TSPEAR: variants seen among roughly 807,000 people sequenced by gnomAD.
The protein encoded by TSPEAR is thrombospondin-type laminin G domain and EAR repeat-containing protein.
In TSPEAR, 69 loss-of-function variants were observed where a neutral mutation model predicts 71.6. The observed-to-expected ratio is 0.96, with a 90% confidence interval of 0.79 to 1.18. TSPEAR has a LOEUF of 1.18. Among genes scored for constraint, TSPEAR ranks in the 50% most tolerant of loss-of-function variants. The pLI, the probability that TSPEAR is intolerant of heterozygous loss-of-function variation, is 0.00. For missense variants in TSPEAR, 971 were observed against 894.9 expected, an observed-to-expected ratio of 1.09 and a Z score of -1.09; for synonymous variants, 402 against 387.2, an observed-to-expected ratio of 1.04 and a Z score of -0.45.
At chr21:44,539,822 C>A (rs2053179495) in intron 2 of TSPEAR, 2 of 1,576,040 alleles carry the variant, frequency 1.3e-6, no homozygotes, top group East Asian at 4.6e-5. Context: ...GGTGGGCAGG[C>A]AGCACACAGG....
chr21:44,610,961 GC>G (rs1206581368), intron 1 of TSPEAR, among the ~76,000 whole-genome samples: 1 of 152,126 alleles, frequency 6.6e-6, no homozygotes, highest in Non-Finnish European at 1.5e-5. Flanking sequence ...GCCAATTTCT[GC>G]CATTTGGAAT....
Position 44,577,747 on chromosome 21 carries a change from C to T in TSPEAR, c.83-9742G>A, listed in dbSNP as rs142634561. On this transcript the variant is annotated intron_variant, in intron 1 of 11. Coordinates refer to ENST00000323084, the MANE Select transcript of TSPEAR (RefSeq NM_144991.3). ...TGGACAAACAGGGAAATAAATAAAA[C>T]CAAACCTAGTTTTTTTAAAGACAAA... Among the ~76,000 whole-genome samples, 7 of 152,320 alleles carry T rather than the reference C, an allele frequency of 4.6e-5. No homozygotes were observed. In the East Asian group the frequency reaches 9.6e-4, roughly 21 times the overall value.
intron 1 of TSPEAR, among the ~76,000 whole-genome samples, chr21:44,603,259 C>T (rs1000843540): frequency 6.6e-6 from 1 of 152,162 alleles, no homozygotes; most frequent in Non-Finnish European, 1.5e-5. Context: ...CTGCCCCTAC[C>T]CCGGCCCCTG....
At chr21:44,635,746 T>A (rs73907087) in intron 1 of TSPEAR, among the ~76,000 whole-genome samples, 5,121 of 152,296 alleles carry the variant, frequency 0.034, 308 homozygotes, top group African/African-American at 0.12. Flanking sequence ...CACAACATTA[T>A]GACTGTACTG....
intron 1 of TSPEAR, chr21:44,702,345 G>A (rs1405260461): frequency 2.0e-6 from 3 of 1,497,980 alleles, no homozygotes; most frequent in Non-Finnish European, 2.7e-6. Context: ...GCACCCCAGT[G>A]AGCTGTGTGT....
At chr21:44,517,848 T>G in intron 9 of TSPEAR, 1 of 471,174 alleles carries the variant, frequency 2.1e-6, no homozygotes, top group Non-Finnish European at 4.4e-6. Flanking sequence ...AACTTTCCTT[T>G]GCTCTCGCGC....
chr21:44,558,077 G>T (rs1555920131), intron 2 of TSPEAR: 3 of 1,610,998 alleles, frequency 1.9e-6, no homozygotes, highest in African/African-American at 2.7e-5. Context: ...GGCCTGAGGA[G>T]AGGCCGCAGC....
At chr21:44,658,034 C>G in intron 1 of TSPEAR, 3 of 1,614,052 alleles carry the variant, frequency 1.9e-6, no homozygotes, top group Non-Finnish European at 2.5e-6. Context: ...CATACACAGC[C>G]CCTGCCAGGC....
At chr21:44,547,130 C>T (rs2053314773) in intron 2 of TSPEAR, among the ~76,000 whole-genome samples, 1 of 152,188 alleles carries the variant, frequency 6.6e-6, no homozygotes, top group South Asian at 2.1e-4. Flanking sequence ...TCTTTATGTT[C>T]ACTAATTCTT....
intron 1 of TSPEAR, among the ~76,000 whole-genome samples, chr21:44,656,877 G>A (rs1346947031): frequency 2.0e-5 from 3 of 152,078 alleles, no homozygotes; most frequent in African/African-American, 7.2e-5. Flanking sequence ...CTTGAGACAA[G>A]ATAATTTCTA....
intron 1 of TSPEAR, chr21:44,591,847 C>T (rs1979902775): frequency 6.2e-7 from 1 of 1,607,596 alleles, no homozygotes; most frequent in Non-Finnish European, 8.5e-7. Flanking sequence ...TGGCTGGCAG[C>T]TAGACTGCTG....
At chr21:44,708,831 G>T (rs979049016) in intron 1 of TSPEAR, among the ~76,000 whole-genome samples, 11 of 152,370 alleles carry the variant, frequency 7.2e-5, no homozygotes, top group Non-Finnish European at 1.6e-4. Flanking sequence ...CAAGTTGCCA[G>T]CTCCGTGTGG....
Position 44,661,212 on chromosome 21 carries a change from G to A in TSPEAR, c.82+50221C>T, listed in dbSNP as rs1038940896. 5.3e-5 allele frequency among the ~76,000 whole-genome samples: 8 copies of A among 150,580 alleles called. No homozygotes were observed. In the South Asian group the frequency reaches 6.3e-4, roughly 12 times the overall value. ...TGGCGTGAACCCCAGAGGCGGAGGC[G>A]GAGCCTGCAGTGAGCCGAGATCGCG... On this transcript the variant is annotated intron_variant, in intron 1 of 11. Coordinates refer to ENST00000323084, the MANE Select transcript of TSPEAR (RefSeq NM_144991.3).
At chr21:44,552,439 G>T (rs967252287) in intron 2 of TSPEAR, among the ~76,000 whole-genome samples, 1 of 152,186 alleles carries the variant, frequency 6.6e-6, no homozygotes, top group African/African-American at 2.4e-5. Flanking sequence ...TTCAGCTGGG[G>T]ATGAGGCTAC....
chr21:44,542,704 C>T (rs1372188560), intron 2 of TSPEAR, among the ~76,000 whole-genome samples: 3 of 146,986 alleles, frequency 2.0e-5, no homozygotes, highest in Non-Finnish European at 1.5e-5. Context: ...CAAGATTGCA[C>T]CACTGCACTC....
chr21:44,678,084 T>C (rs990125925), intron 1 of TSPEAR: 30 of 663,618 alleles, frequency 4.5e-5, no homozygotes, highest in Non-Finnish European at 7.2e-5. Flanking sequence ...AGGCCCGCAG[T>C]ATCTGTCGAG....
rs563891143 is a variant in TSPEAR at position 44,707,629 on chromosome 21, T to C, written c.82+3804A>G. 7.2e-4 allele frequency among the ~76,000 whole-genome samples: 110 copies of C among 152,224 alleles called. 1 individual carries two copies. The highest frequency in any genetic ancestry group is 6.4e-3 in the East Asian group (33 of 5,182). ...GCCCTGGCCTTATAGTTTAGAATTT[T>C]ATAAAAGGAAAGGCGTGGCCACTGA... On this transcript the variant is annotated intron_variant, in intron 1 of 11. Coordinates refer to ENST00000323084, the MANE Select transcript of TSPEAR (RefSeq NM_144991.3).
At chr21:44,658,012 G>A (rs1311436037) in intron 1 of TSPEAR, 1 of 1,613,724 alleles carries the variant, frequency 6.2e-7, no homozygotes, top group Non-Finnish European at 8.5e-7. Flanking sequence ...CAGCCTGCCA[G>A]CCAACCTGCT....
rs141784649 is a variant in TSPEAR at position 44,528,908 on chromosome 21, C to G, written c.791-325G>C. Among the ~76,000 whole-genome samples, 91 of 152,342 alleles carry G rather than the reference C, an allele frequency of 6.0e-4. No homozygotes were observed. In the Middle Eastern group the frequency reaches 0.014, roughly 23 times the overall value. On this transcript the variant is annotated intron_variant, in intron 5 of 11. Coordinates refer to ENST00000323084, the MANE Select transcript of TSPEAR (RefSeq NM_144991.3). The stretch of plus-strand genomic sequence containing the variant: ...CCTCAGCGATTGCACAGGGCATGGT[C>G]CCCCCTCAGGAGGGAGTCCCTGTTG...
Sources: gnomAD v4.1 joint callset for allele counts (sites outside exome capture counted in the v4.1 genomes callset) on GRCh38, gnomAD v4.1.1 for gene constraint, MANE v1.5 for transcripts, NCBI Gene and HGNC (gene_info 2026-07-23, HGNC 2026-07-21) for gene names.